RFTN1: variants seen among roughly 807,000 people sequenced by gnomAD.
RFTN1 encodes the protein raftlin.
In RFTN1, 26 loss-of-function variants were observed where a neutral mutation model predicts 46.5. That is an observed-to-expected ratio of 0.56 (90% CI 0.41 to 0.78). The LOEUF (loss-of-function observed/expected upper bound fraction) is 0.78. Ranked by LOEUF, RFTN1 falls within the 30% of genes least tolerant of loss-of-function variation. RFTN1 has a pLI of 0.00. For synonymous variants in RFTN1, 261 were observed against 284.2 expected (o/e 0.92, Z 0.82); for missense variants, 693 against 718.7 (o/e 0.96, Z 0.41).
chr3:16,494,893 A>G (rs2076600117), intron 1 of RFTN1, among the ~76,000 whole-genome samples: 1 of 152,236 alleles, frequency 6.6e-6, no homozygotes, highest in Non-Finnish European at 1.5e-5. Context: ...ACAGAAACCC[A>G]GTGACCGCTT....
At chr3:16,488,397 C>G (rs1391617971) in intron 2 of RFTN1, among the ~76,000 whole-genome samples, 1 of 152,210 alleles carries the variant, frequency 6.6e-6, no homozygotes, top group African/African-American at 2.4e-5. Context: ...CTGCACCCAG[C>G]TTATCCTCAC....
At position 16,320,018 on chromosome 3, in the gene RFTN1, A is replaced by C. The variant is rs2068865230; in HGVS notation, c.1333-2786T>G. Among the ~76,000 whole-genome samples the C allele has an allele frequency of 6.6e-6, 1 of 152,242 alleles. No individual in the cohort carries two copies. Among genetic ancestry groups the C allele is most frequent in the South Asian group, 2.1e-4 (1 of 4,834 alleles). On this transcript the variant is annotated intron_variant, in intron 9 of 9. Coordinates refer to ENST00000334133, the MANE Select transcript of RFTN1 (RefSeq NM_015150.2). The surrounding 1 kb of genome is among the most constrained non-coding windows in gnomAD (Gnocchi z 4.5). ...TCTGTGGCAGTTGGGTGTGTCACCAAATCCAATTAGCCGCCCAATTCAGAA... is the reference window on the plus strand; with the variant it reads ...TCTGTGGCAGTTGGGTGTGTCACCACATCCAATTAGCCGCCCAATTCAGAA...
intron 2 of RFTN1, among the ~76,000 whole-genome samples, chr3:16,462,156 C>T (rs544296773): frequency 1.3e-5 from 2 of 152,210 alleles, no homozygotes; most frequent in African/African-American, 2.4e-5. Flanking sequence ...GTTCCTAAAC[C>T]TTGCCAAGCC....
rs1056180194 is a variant in RFTN1, at chr3:16,337,106, C to T, written c.1147-10230G>A. The T allele has an allele frequency of 1.3e-5, 2 of 152,268 alleles. No individual in the cohort carries two copies. Among genetic ancestry groups the T allele is most frequent in the Admixed American group, 1.3e-4 (2 of 15,288 alleles). 9.4% of individuals were successfully genotyped at this position (152,268 alleles called of 1,614,324 possible). On this transcript the variant is annotated intron_variant, in intron 7 of 9. Transcript: ENST00000334133. This position sits in a 1 kb window ranked among gnomAD's most constrained non-coding sequence, Gnocchi z 5.0. ...AGGAGCCTTGCTGTTTCTGCTCACT[C>T]TCCAGGAACCCTGCCTACGCCATGA...
Position 16,325,907 on chromosome 3 carries a change from G to A in RFTN1, c.1250+866C>T, listed in dbSNP as rs191221114. Among the ~76,000 whole-genome samples the A allele has an allele frequency of 1.6e-4, 25 of 152,330 alleles. No individual in the cohort carries two copies. The East Asian group carries it at 2.9e-3, about 18-fold the overall frequency. On this transcript the variant is annotated intron_variant, in intron 8 of 9. Transcript: ENST00000334133. ...AGGGCTTGGGGAAGGTGGAGCTCTG[G>A]GGGCCACAGCGGGGGCATCCTTGCT...
In RFTN1 at chr3:16,442,654, C is replaced by T. The variant is rs1488451036; in HGVS notation, c.146-8617G>A. ...ACGCGATGTTATTAGCTATAGTCCC[C>T]ATGTTGTACATTAGATCTCTAGATT... On this transcript the variant is annotated intron_variant, in intron 2 of 9. Transcript: ENST00000334133. The surrounding 1 kb of genome is among the most constrained non-coding windows in gnomAD (Gnocchi z 4.1). 1.2e-4 allele frequency among the ~76,000 whole-genome samples: 18 copies of T among 152,120 alleles called. No individual in the cohort carries two copies. Among genetic ancestry groups the T allele is most frequent in the Admixed American group, 1.2e-3 (18 of 15,280 alleles).
rs1425482625 is a variant in RFTN1 at position 16,381,061 on chromosome 3, A to T, written c.442-2959T>A. Reference sequence around the variant, plus strand: ...CCCCAACCCTCAAGAAGATTTGACCAATTATTACGAACAGAGTTTAAAAAT... The same window carrying T: ...CCCCAACCCTCAAGAAGATTTGACCTATTATTACGAACAGAGTTTAAAAAT... On this transcript the variant is annotated intron_variant, in intron 4 of 9. Coordinates refer to ENST00000334133, the MANE Select transcript of RFTN1 (RefSeq NM_015150.2). This position sits in a 1 kb window ranked among gnomAD's most constrained non-coding sequence, Gnocchi z 4.2. 1.3e-5 allele frequency among the ~76,000 whole-genome samples: 2 copies of T among 152,204 alleles called. No homozygotes were observed. The highest frequency in any genetic ancestry group is 2.9e-5 in the Non-Finnish European group (2 of 68,032).
Position 16,512,267 on chromosome 3 carries a change from C to T in RFTN1, c.-9+1175G>A, listed in dbSNP as rs147032270. Among the ~76,000 whole-genome samples the T allele has an allele frequency of 6.6e-6, 1 of 152,258 alleles. No individual in the cohort carries two copies. Among genetic ancestry groups the T allele is most frequent in the African/African-American group, 2.4e-5 (1 of 41,544 alleles). On this transcript the variant is annotated intron_variant, in intron 1 of 9. Transcript: ENST00000334133. The surrounding 1 kb of genome is among the most constrained non-coding windows in gnomAD (Gnocchi z 4.3). ...GGCTTCCTTCCTGGCAAGGCCTTAACTTATCCTGAGATGACACACGATGGC... is the reference window on the plus strand; with the variant it reads ...GGCTTCCTTCCTGGCAAGGCCTTAATTTATCCTGAGATGACACACGATGGC...
intron 3 of RFTN1, among the ~76,000 whole-genome samples, chr3:16,416,661 C>T (rs2075086916): frequency 6.6e-6 from 1 of 151,966 alleles, no homozygotes; most frequent in African/African-American, 2.4e-5. Flanking sequence ...TTCCTTGGGA[C>T]ATAACTGAAC....
intron 7 of RFTN1, among the ~76,000 whole-genome samples, chr3:16,331,481 A>T (rs534451870): frequency 6.6e-6 from 1 of 152,278 alleles, no homozygotes; most frequent in Admixed American, 6.5e-5. Context: ...ATGCACTATG[A>T]CCATGCCTTC....
In RFTN1 at chr3:16,457,341, C is replaced by T. The variant is rs2075926087; in HGVS notation, c.146-23304G>A. On this transcript the variant is annotated intron_variant, in intron 2 of 9. Transcript: ENST00000334133. The surrounding 1 kb of genome is among the most constrained non-coding windows in gnomAD (Gnocchi z 4.2). ...CTGGCTTGGCCTCTTGCCAAGTGAC[C>T]TTGCATGAGTTCTTAATCTTCCTCC... Among the ~76,000 whole-genome samples, 1 of 152,190 alleles carries T rather than the reference C, an allele frequency of 6.6e-6. No individual in the cohort carries two copies. Among genetic ancestry groups the T allele is most frequent in the South Asian group, 2.1e-4 (1 of 4,828 alleles).
rs1359843247 is a variant in RFTN1, at chr3:16,317,086, G to T, written c.1479C>A (p.Asn493Lys). The T allele has an allele frequency of 6.2e-7, 1 of 1,613,660 alleles. No homozygotes were observed. The highest frequency in any genetic ancestry group is 1.3e-5 in the African/African-American group (1 of 74,782). ...DQSSKAGDMG[N>K]CVSGQQQEGG... is the part of the protein sequence containing the mutation. ...CCTCCTGCTGCTGTCCTGAAACACAGTTTCCCATGTCTCCAGCTTTGGAAG... is the reference window on the plus strand; with the variant it reads ...CCTCCTGCTGCTGTCCTGAAACACATTTTCCCATGTCTCCAGCTTTGGAAG... Residue 493 changes from asparagine to lysine, a missense_variant, in exon 10 of 10, where the codon AAC (asparagine) becomes AAA (lysine). By Grantham distance (94) the Asn-to-Lys change is moderately conservative. Transcript: ENST00000334133. The surrounding 1 kb of genome is among the most constrained non-coding windows in gnomAD (Gnocchi z 4.3).
chr3:16,439,959 G>T (rs1575294861), intron 2 of RFTN1, among the ~76,000 whole-genome samples: 2 of 152,298 alleles, frequency 1.3e-5, no homozygotes, highest in East Asian at 3.9e-4. Context: ...TTATTCTGTA[G>T]TTACTTTGGC....
chr3:16,378,349 G>A (rs2073862490), intron 4 of RFTN1, among the ~76,000 whole-genome samples: 1 of 152,220 alleles, frequency 6.6e-6, no homozygotes, highest in African/African-American at 2.4e-5. Flanking sequence ...TGGCTTTGAA[G>A]AGTTGAAATC....
At chr3:16,394,195 G>C (rs913697382) in intron 4 of RFTN1, among the ~76,000 whole-genome samples, 1 of 151,804 alleles carries the variant, frequency 6.6e-6, no homozygotes, top group African/African-American at 2.4e-5. Flanking sequence ...AACATAGCAT[G>C]ACCCCATCTC....
In RFTN1 at chr3:16,468,089, T is replaced by C. The variant is rs575454028; in HGVS notation, c.145+25636A>G. Reference sequence around the variant, plus strand: ...ATTCAGGAAGTGCTTACTCAAAACATAGAAACATCAATATGGAGACTGCAG... The same window carrying C: ...ATTCAGGAAGTGCTTACTCAAAACACAGAAACATCAATATGGAGACTGCAG... On this transcript the variant is annotated intron_variant, in intron 2 of 9. Transcript: ENST00000334133. The surrounding 1 kb of genome is among the most constrained non-coding windows in gnomAD (Gnocchi z 4.4). 6.6e-6 allele frequency among the ~76,000 whole-genome samples: 1 copy of C among 152,248 alleles called. No individual in the cohort carries two copies. Among genetic ancestry groups the C allele is most frequent in the South Asian group, 2.1e-4 (1 of 4,832 alleles).
rs57242614 is a variant in RFTN1, at chr3:16,443,750, AACACACACAC to A, written c.146-9723_146-9714del. On this transcript the variant is annotated intron_variant, in intron 2 of 9. Transcript: ENST00000334133. The surrounding 1 kb of genome is among the most constrained non-coding windows in gnomAD (Gnocchi z 5.5). ...CACACATAGTCAATGAATTACACACAACACACACACACACACACACACACACACACACACC... is the reference window on the plus strand; with the variant it reads ...CACACATAGTCAATGAATTACACACAACACACACACACACACACACACACC... Among the ~76,000 whole-genome samples the A allele has an allele frequency of 3.0e-4, 44 of 146,034 alleles. No homozygotes were observed. The highest frequency in any genetic ancestry group is 1.0e-3 in the African/African-American group (40 of 39,912).
In RFTN1 at chr3:16,335,051, A is replaced by G. The variant is rs1188408925; in HGVS notation, c.1147-8175T>C. 6.6e-6 allele frequency among the ~76,000 whole-genome samples: 1 copy of G among 152,224 alleles called. No individual in the cohort carries two copies. Among genetic ancestry groups the G allele is most frequent in the African/African-American group, 2.4e-5 (1 of 41,460 alleles). On this transcript the variant is annotated intron_variant, in intron 7 of 9. Transcript: ENST00000334133. This position sits in a 1 kb window ranked among gnomAD's most constrained non-coding sequence, Gnocchi z 4.7. ...CTCCACAAAGAATGTGGTCCTGTCA[A>G]CACCTTGGTTTTAGCCCCTTAATAC...
intron 4 of RFTN1, among the ~76,000 whole-genome samples, chr3:16,396,688 CA>C (rs2125412853): frequency 6.6e-6 from 1 of 152,066 alleles, no homozygotes; most frequent in East Asian, 1.9e-4. Context: ...TTAATGGAAC[CA>C]AGAAAATGCA....
Sources: allele counts gnomAD v4.1 joint callset (sites outside exome capture counted in the v4.1 genomes callset), GRCh38; gene constraint gnomAD v4.1.1; non-coding constraint Gnocchi (gnomAD v3.1); transcripts MANE v1.5; gene names NCBI Gene and HGNC (gene_info 2026-07-23, HGNC 2026-07-21).